CDH13: variants seen among roughly 807,000 people sequenced by gnomAD.
The protein encoded by CDH13 is cadherin 13.
CDH13 carries 24 observed loss-of-function variants against 63.8 expected under a neutral mutation model. The observed-to-expected ratio is 0.38, with a 90% CI of 0.27 to 0.53. The LOEUF (loss-of-function observed/expected upper bound fraction) is 0.53. CDH13 is among the 20% of genes least tolerant of loss of function. The pLI is 0.85. For missense variants in CDH13, 1,049 were observed against 903.1 expected (o/e 1.16, Z -2.07); for synonymous variants, 503 against 355.3 (o/e 1.42, Z -4.67).
chr16:83,148,331 A>G (rs2036838707), intron 4 of CDH13, among the ~76,000 whole-genome samples: 1 of 147,604 alleles, frequency 6.8e-6, no homozygotes, highest in South Asian at 2.1e-4. Context: ...TGTAGACAAC[A>G]TGGGTACCAT....
chr16:82,710,813 T>C (rs1279444176), intron 1 of CDH13, among the ~76,000 whole-genome samples: 1 of 150,012 alleles, frequency 6.7e-6, no homozygotes, highest in Non-Finnish European at 1.5e-5. Context: ...TATATATGTA[T>C]GTTTTACATA....
At chr16:82,673,898 C>G (rs78703156) in intron 1 of CDH13, among the ~76,000 whole-genome samples, 37 of 152,298 alleles carry the variant, frequency 2.4e-4, no homozygotes, top group African/African-American at 7.9e-4. Context: ...AAATTCTATC[C>G]AGGTCCGGCA....
At chr16:83,085,108 G>C (rs1310044302) in intron 3 of CDH13, among the ~76,000 whole-genome samples, 1 of 151,948 alleles carries the variant, frequency 6.6e-6, no homozygotes, top group Non-Finnish European at 1.5e-5. Flanking sequence ...ACATAGCTGA[G>C]ACTGGGAAGA....
intron 3 of CDH13, among the ~76,000 whole-genome samples, chr16:83,116,009 G>A (rs898309247): frequency 3.3e-5 from 5 of 152,190 alleles, no homozygotes; most frequent in African/African-American, 9.7e-5. Context: ...GCAGGAAGTA[G>A]GATCATTCCT....
rs527804011 is a variant in CDH13 at position 83,798,341 on chromosome 16, C to G, written c.*3311C>G. On this transcript the variant is annotated 3_prime_UTR_variant, in exon 14 of 14. Transcript: ENST00000567109. ...TCCAGATGATTCTGAGGAAAGGAGT[C>G]TACAATTTTCCTAGGGGGTGTATGA... 1 of 152,274 alleles carries G rather than the reference C, an allele frequency of 6.6e-6. No homozygotes were observed. Among genetic ancestry groups the G allele is most frequent in the East Asian group, 1.9e-4 (1 of 5,186 alleles). 9.4% of individuals were successfully genotyped at this position (152,274 alleles called of 1,614,324 possible).
intron 2 of CDH13, among the ~76,000 whole-genome samples, chr16:82,893,932 A>G (rs1396225433): frequency 3.3e-5 from 5 of 152,036 alleles, no homozygotes; most frequent in Non-Finnish European, 7.4e-5. Context: ...CACTTCAGTA[A>G]CCTCCCACAT....
chr16:82,693,298 T>G, intron 1 of CDH13, among the ~76,000 whole-genome samples: 1 of 152,194 alleles, frequency 6.6e-6, no homozygotes, highest in East Asian at 1.9e-4. Flanking sequence ...TTTAAGCTTC[T>G]TAGTTTGTGG....
chr16:82,839,473 G>A (rs557292934), intron 1 of CDH13, among the ~76,000 whole-genome samples: 19 of 152,182 alleles, frequency 1.2e-4, no homozygotes, highest in African/African-American at 4.6e-4. Context: ...CTGGGATATG[G>A]GACCTCTAAA....
At chr16:82,952,780 A>G (rs1034031785) in intron 2 of CDH13, among the ~76,000 whole-genome samples, 10 of 152,166 alleles carry the variant, frequency 6.6e-5, no homozygotes, top group African/African-American at 2.4e-4. Flanking sequence ...GTGCCACAAG[A>G]TGCTTATCTG....
intron 3 of CDH13, among the ~76,000 whole-genome samples, chr16:83,050,384 C>T (rs1022387202): frequency 3.3e-5 from 5 of 152,192 alleles, no homozygotes; most frequent in Non-Finnish European, 5.9e-5. Context: ...TCTTCTACAG[C>T]AGCTGAACCA....
At chr16:83,467,398 A>G (rs1207541547) in intron 6 of CDH13, among the ~76,000 whole-genome samples, 3 of 152,128 alleles carry the variant, frequency 2.0e-5, no homozygotes, top group African/African-American at 7.2e-5. Flanking sequence ...TCACACATTC[A>G]TCTTCCCCAG....
At chr16:82,766,527 G>A (rs8060313) in intron 1 of CDH13, among the ~76,000 whole-genome samples, 1 of 152,170 alleles carries the variant, frequency 6.6e-6, no homozygotes, top group Admixed American at 6.5e-5. Context: ...GGTTAGCTTG[G>A]AACAAAGCAG....
chr16:82,962,946 T>A (rs188498185), intron 2 of CDH13, among the ~76,000 whole-genome samples: 2 of 152,190 alleles, frequency 1.3e-5, no homozygotes, highest in Non-Finnish European at 2.9e-5. Context: ...AAAATAATAA[T>A]TTAGTAAAAG....
At chr16:82,850,298 G>C (rs965416493) in intron 1 of CDH13, among the ~76,000 whole-genome samples, 12 of 152,190 alleles carry the variant, frequency 7.9e-5, no homozygotes, top group African/African-American at 2.7e-4. Context: ...GGATGATTTT[G>C]AGAGGTTCAA....
At chr16:83,718,949 G>T (rs944886164) in intron 10 of CDH13, among the ~76,000 whole-genome samples, 2 of 152,316 alleles carry the variant, frequency 1.3e-5, no homozygotes, top group East Asian at 3.9e-4. Flanking sequence ...TCAGCCTGCT[G>T]CATAGATGAG....
intron 2 of CDH13, among the ~76,000 whole-genome samples, chr16:82,996,396 T>G (rs929700679): frequency 1.3e-5 from 2 of 152,168 alleles, no homozygotes; most frequent in Non-Finnish European, 2.9e-5. Context: ...CATACTTCTT[T>G]GTGTGAAGAT....
intron 4 of CDH13, chr16:83,180,852 G>GTTT (rs748562344): frequency 9.0e-6 from 11 of 1,227,840 alleles, no homozygotes; most frequent in Admixed American, 2.3e-5. Context: ...AACAAAATGT[G>GTTT]TTTTTTTTTT....
intron 1 of CDH13, among the ~76,000 whole-genome samples, chr16:82,689,982 T>A (rs1287624408): frequency 1.6e-3 from 25 of 15,780 alleles, no homozygotes; most frequent in South Asian, 6.6e-3. Flanking sequence ...CCATCTCTAC[T>A]AAAAAAAAAA....
At chr16:83,367,139 T>G (rs2091273299) in intron 6 of CDH13, among the ~76,000 whole-genome samples, 1 of 152,204 alleles carries the variant, frequency 6.6e-6, no homozygotes, top group South Asian at 2.1e-4. Flanking sequence ...CCTCGAAAAC[T>G]CTTTGGTACT....
Sources: allele counts gnomAD v4.1 joint callset (sites outside exome capture counted in the v4.1 genomes callset), GRCh38; gene constraint gnomAD v4.1.1; transcripts MANE v1.5; gene names NCBI Gene and HGNC (gene_info 2026-07-23, HGNC 2026-07-21).